The following MUL1 variants were observed in gnomAD, a reference collection of about 807,000 sequenced individuals.
MUL1 encodes the protein mitochondrial ubiquitin ligase activator of NFKB 1.
A neutral mutation model predicts 34.1 loss-of-function variants in MUL1; 30 were observed. The ratio of observed to expected loss-of-function variants is 0.88; its 90% CI spans 0.66 to 1.19. The LOEUF is 1.19. Ranked by LOEUF, MUL1 falls within the 50% of genes most tolerant of loss-of-function variation. The pLI, the probability that MUL1 is intolerant of heterozygous loss-of-function variation, is 0.00. For synonymous variants in MUL1, 191 were observed against 187.8 expected (o/e 1.02, Z -0.14); for missense variants, 419 against 450.5 (o/e 0.93, Z 0.63).
At chr1:20,502,620 G>A (rs964057146) in intron 2 of MUL1, among the ~76,000 whole-genome samples, 1 of 152,120 alleles carries the variant, frequency 6.6e-6, no homozygotes, top group African/African-American at 2.4e-5. Flanking sequence ...TGCAACCTCC[G>A]CCTCCCGGGT....
In MUL1 at chr1:20,502,179, C is replaced by A; in HGVS notation, c.219G>T (p.Arg73=). The A allele has an allele frequency of 6.2e-7, 1 of 1,614,072 alleles. No homozygotes were observed. The highest frequency in any genetic ancestry group is 8.5e-7 in the Non-Finnish European group (1 of 1,179,988). ...GGCTGTTAAGCGTTTCTTTAACAGA[C>A]CGCACAGCTCCTAAGTGGACACAAA... is the stretch of plus-strand genomic sequence containing the variant. ...VPYAVIEGAV[R]SVKETLNSQF... The change falls in exon 3 of 4, where the codon CGG becomes CGT. Residue 73 remains arginine, a synonymous_variant. Coordinates refer to ENST00000264198, the MANE Select transcript of MUL1 (RefSeq NM_024544.3).
intron 1 of MUL1, among the ~76,000 whole-genome samples, chr1:20,507,121 C>T (rs1033081779): frequency 6.6e-6 from 1 of 151,872 alleles, no homozygotes. Flanking sequence ...GAGGCTGAAG[C>T]AGGAGAATCA....
chr1:20,507,382 C>T (rs1314761312), intron 1 of MUL1, among the ~76,000 whole-genome samples: 1 of 152,164 alleles, frequency 6.6e-6, no homozygotes, highest in Non-Finnish European at 1.5e-5. Context: ...CTGTTCCTTC[C>T]ATCTCCCGCT....
In MUL1 at chr1:20,501,375, G is replaced by A. The variant is rs755109188; in HGVS notation, c.374C>T (p.Pro125Leu). The stretch of plus-strand genomic sequence containing the variant: ...ATCCTCGTGGGGCACCAGGTCAAAG[G>A]GCACTGTGTTGGTCCTCTGATGAAT... ...KIIHQRTNTV[P>L]FDLVPHEDGV... The change falls in exon 4 of 4, where the codon CCC becomes CTC. Residue 125 changes from proline (P) to leucine (L), a missense_variant. By Grantham distance (98) the Pro-to-Leu change is moderately conservative. Transcript: ENST00000264198. This position sits in a 1 kb window ranked among gnomAD's most constrained non-coding sequence, Gnocchi z 4.2. The A allele has an allele frequency of 4.8e-5, 78 of 1,613,968 alleles. No homozygotes were observed. The highest frequency in any genetic ancestry group is 1.0e-4 in the Admixed American group (6 of 60,004).
intron 2 of MUL1, among the ~76,000 whole-genome samples, chr1:20,502,965 C>T (rs77808593): frequency 1.3e-5 from 2 of 152,060 alleles, no homozygotes; most frequent in Non-Finnish European, 2.9e-5. Context: ...CTCCTAAGCA[C>T]TTTGCATGGA....
At chr1:20,503,920 G>A (rs1453170789) in intron 1 of MUL1, among the ~76,000 whole-genome samples, 2 of 150,390 alleles carry the variant, frequency 1.3e-5, no homozygotes, top group Admixed American at 6.6e-5. Context: ...TACCCAGACT[G>A]GAGTGCAGTA....
rs767543501 is a variant in MUL1, at chr1:20,502,133, C to G, written c.265G>C (p.Gly89Arg). ...LNSQFVENCK[G>R]VIQRLTLQEH... is the part of the protein sequence containing the mutation. ...TGAAGTGTCAGCCGCTGAATTACCCCCTTGCAGTTTTCCACAAACTGGCTG... is the reference window on the plus strand; with the variant it reads ...TGAAGTGTCAGCCGCTGAATTACCCGCTTGCAGTTTTCCACAAACTGGCTG... The change falls in exon 3 of 4, where the codon GGG (glycine) becomes CGG (arginine). Residue 89 changes from glycine (G) to arginine (R), a missense_variant. Gly to Arg is a moderately radical substitution (Grantham distance 125). Transcript: ENST00000264198. The G allele has an allele frequency of 5.6e-6, 9 of 1,614,050 alleles. No individual in the cohort carries two copies. The highest frequency in any genetic ancestry group is 5.0e-5 in the Admixed American group (3 of 60,006).
rs1322451077 is a variant in MUL1, at chr1:20,501,524, TG to T, written c.330-106del. On this transcript the variant is annotated intron_variant, in intron 3 of 3. Coordinates refer to ENST00000264198, the MANE Select transcript of MUL1 (RefSeq NM_024544.3). This position sits in a 1 kb window ranked among gnomAD's most constrained non-coding sequence, Gnocchi z 4.2. ...AGGACAGCATATGGTCTGAAGTAAC[TG>T]GAAGAAGACAGTAAGATCACTATCT... is the stretch of plus-strand genomic sequence containing the variant. 46 of 1,311,010 alleles carry T rather than the reference TG, an allele frequency of 3.5e-5. No homozygotes were observed. Among genetic ancestry groups the T allele is most frequent in the Admixed American group, 4.5e-5 (2 of 43,962 alleles). The allele number at this position is 1,311,010 out of a possible 1,614,324, so 81.2% of individuals were successfully genotyped here.
At position 20,499,549 on chromosome 1, in the gene MUL1, G is replaced by A. The variant is rs1395974516; in HGVS notation, c.*1141C>T. On this transcript the variant is annotated 3_prime_UTR_variant, in exon 4 of 4. Coordinates refer to ENST00000264198, the MANE Select transcript of MUL1 (RefSeq NM_024544.3). ...CTTCCTCGCCTGCACAAAGGAGGAC[G>A]AGAGATGAACATTCAGAGGCAGAAA... 2.6e-5 allele frequency: 4 copies of A among 152,204 alleles called. No individual in the cohort carries two copies. In the East Asian group the frequency reaches 5.8e-4, roughly 22 times the overall value. The allele number at this position is 152,204 out of a possible 1,614,324, so 9.4% of individuals were successfully genotyped here. A position where few individuals can be genotyped will look rare whatever the true frequency, so the allele number is the denominator to read the frequency against.
At chr1:20,507,845 G>T in intron 1 of MUL1, 60 bp downstream of exon 1, 1 of 1,552,244 alleles carries the variant, frequency 6.4e-7, no homozygotes. Context: ...TGAATCATGG[G>T]CTCCCCAGCA....
intron 3 of MUL1, 66 bp downstream of exon 3, chr1:20,502,003 C>T: frequency 1.2e-6 from 2 of 1,603,892 alleles, no homozygotes; most frequent in Non-Finnish European, 1.7e-6. Context: ...GGCAACAGCA[C>T]CCAGGACCCC....
At chr1:20,505,372 G>A (rs2051703381) in intron 1 of MUL1, among the ~76,000 whole-genome samples, 1 of 151,882 alleles carries the variant, frequency 6.6e-6, no homozygotes, top group African/African-American at 2.4e-5. Context: ...GCTGCTTGAG[G>A]CCAGCAGTGC....
rs1018220391 is a variant in MUL1 at position 20,507,936 on chromosome 1, C to G, written c.89G>C (p.Arg30Pro). The G allele has an allele frequency of 7.5e-6, 12 of 1,597,164 alleles. No homozygotes were observed. In the Admixed American group the frequency reaches 1.9e-4, roughly 26 times the overall value. The change falls in exon 1 of 4, where the codon CGG becomes CCG. Residue 30 changes from arginine to proline, a missense_variant. By Grantham distance (103) the Arg-to-Pro change is moderately radical. Coordinates refer to ENST00000264198, the MANE Select transcript of MUL1 (RefSeq NM_024544.3). The stretch of plus-strand genomic sequence containing the variant: ...CTCTTGGGAGACCCGGGCCTTCTGC[C>G]GGTACACGGAGTACAGGGCGGCGGT... ...VVTAALYSVY[R>P]QKARVSQELK... is the part of the protein sequence containing the mutation.
chr1:20,502,498 A>G (rs1342871676), intron 2 of MUL1, among the ~76,000 whole-genome samples: 1 of 152,180 alleles, frequency 6.6e-6, no homozygotes, highest in Non-Finnish European at 1.5e-5. Context: ...GCAGTGAGCT[A>G]TGATCACACC....
rs773963790 is a variant in MUL1, at chr1:20,501,306, A to G, written c.443T>C (p.Val148Ala). The part of the protein sequence containing the change: ...AVRVLKPLDS[V>A]DLGLETVYEK... The stretch of plus-strand genomic sequence containing the variant: ...ATACACAGTCTCTAGACCCAGATCC[A>G]CTGAGTCCAGGGGCTTCAGCACTCG... Residue 148 changes from valine (V) to alanine (A), a missense_variant, in exon 4 of 4, where the codon GTG becomes GCG. By Grantham distance (64) the Val-to-Ala change is moderately conservative. Coordinates refer to ENST00000264198, the MANE Select transcript of MUL1 (RefSeq NM_024544.3). The surrounding 1 kb of genome is among the most constrained non-coding windows in gnomAD (Gnocchi z 4.2). 2.5e-6 allele frequency: 4 copies of G among 1,614,030 alleles called. No homozygotes were observed. The African/African-American group carries it at 5.3e-5, about 22-fold the overall frequency.
Position 20,507,834 on chromosome 1 carries a change from G to T in MUL1, c.120+71C>A. The T allele has an allele frequency of 2.6e-6, 4 of 1,535,672 alleles. No homozygotes were observed. The South Asian group carries it at 4.8e-5, about 18-fold the overall frequency. On this transcript the variant is annotated intron_variant, in intron 1 of 3. Transcript: ENST00000264198. ...AGTTTCCGACGGTGGGGCGGCCAAG[G>T]TGAATCATGGGCTCCCCAGCACCTG...
rs111624573 is a variant in MUL1 at position 20,505,853 on chromosome 1, T to A, written c.120+2052A>T. 2.4e-3 allele frequency among the ~76,000 whole-genome samples: 359 copies of A among 152,294 alleles called. 2 individuals are homozygous for A. The highest frequency in any genetic ancestry group is 8.0e-3 in the African/African-American group (334 of 41,576). On this transcript the variant is annotated intron_variant, in intron 1 of 3. Coordinates refer to ENST00000264198, the MANE Select transcript of MUL1 (RefSeq NM_024544.3). Reference sequence around the variant, plus strand: ...AGAGTTCACTGCTTCAAAGAAGCCCTCCTCCAGCCAACTTGAGGCCAAAGT... The same window carrying A: ...AGAGTTCACTGCTTCAAAGAAGCCCACCTCCAGCCAACTTGAGGCCAAAGT...
intron 1 of MUL1, among the ~76,000 whole-genome samples, chr1:20,505,695 A>G (rs1354425121): frequency 2.6e-5 from 4 of 151,290 alleles, no homozygotes; most frequent in African/African-American, 7.3e-5. Flanking sequence ...GGGAGGGAGA[A>G]AGAGAGGAAG....
In MUL1 at chr1:20,500,676, C is replaced by A. The variant is rs200393993; in HGVS notation, c.*14G>T. On this transcript the variant is annotated 3_prime_UTR_variant, in exon 4 of 4. Coordinates refer to ENST00000264198, the MANE Select transcript of MUL1 (RefSeq NM_024544.3). ...AGGGGTGCTTCCAGGTCAAGCTGTG[C>A]GGCTTCCAAACTATTAGCTGTTGTA... is the stretch of plus-strand genomic sequence containing the variant. The A allele has an allele frequency of 1.9e-6, 3 of 1,539,978 alleles. No homozygotes were observed. The Admixed American group carries it at 6.0e-5, about 31-fold the overall frequency.
Sources: gnomAD v4.1 joint callset for allele counts (sites outside exome capture counted in the v4.1 genomes callset) on GRCh38, gnomAD v4.1.1 for gene constraint, Gnocchi (gnomAD v3.1) non-coding constraint, MANE v1.5 for transcripts, NCBI Gene and HGNC (gene_info 2026-07-23, HGNC 2026-07-21) for gene names.